The following RPS6KA2 variants were observed in gnomAD, a reference collection of about 807,000 sequenced individuals.
The protein encoded by RPS6KA2 is ribosomal protein S6 kinase A2.
RPS6KA2 carries 42 observed loss-of-function variants against 91.8 expected under a neutral mutation model. That is an observed-to-expected ratio of 0.46 (90% CI 0.36 to 0.59). The LOEUF (loss-of-function observed/expected upper bound fraction) is 0.59. RPS6KA2 is among the 20% of genes least tolerant of loss of function. RPS6KA2 has a pLI of 0.00. For missense variants in RPS6KA2, 798 were observed against 978.5 expected (o/e 0.82, Z 2.46); for synonymous variants, 414 against 393.6 (o/e 1.05, Z -0.61).
intron 2 of RPS6KA2, among the ~76,000 whole-genome samples, chr6:166,717,268 A>G (rs887325111): frequency 6.6e-6 from 1 of 152,214 alleles, no homozygotes; most frequent in Non-Finnish European, 1.5e-5. Context: ...GTTACCAAAA[A>G]CAGTGAACAT....
At chr6:166,546,923 G>A (rs1223513673) in intron 1 of RPS6KA2, among the ~76,000 whole-genome samples, 2 of 152,102 alleles carry the variant, frequency 1.3e-5, no homozygotes, top group Non-Finnish European at 2.9e-5. Context: ...CTGAGCTGGT[G>A]GGCTCTTCTC....
exon 1 of RPS6KA2, chr6:166,862,468 G>A (rs1036572574): frequency 1.0e-6 from 1 of 977,408 alleles, no homozygotes; most frequent in Non-Finnish European, 1.4e-6. Flanking sequence ...GGGCTGGGGC[G>A]AGGAAAGGAG....
chr6:166,556,017 C>T (rs1784168708), intron 1 of RPS6KA2, among the ~76,000 whole-genome samples: 1 of 152,110 alleles, frequency 6.6e-6, no homozygotes, highest in Admixed American at 6.5e-5. Flanking sequence ...AGTGAAAGGG[C>T]CACGGCTAGA....
At chr6:166,851,427 A>AT (rs972596425) in intron 2 of RPS6KA2, among the ~76,000 whole-genome samples, 6 of 152,096 alleles carry the variant, frequency 3.9e-5, no homozygotes, top group Non-Finnish European at 7.3e-5. Context: ...GATGAGCACA[A>AT]TTTTTTTCTG....
At chr6:166,673,481 C>T (rs906234381) in intron 2 of RPS6KA2, among the ~76,000 whole-genome samples, 1 of 152,196 alleles carries the variant, frequency 6.6e-6, no homozygotes, top group African/African-American at 2.4e-5. Context: ...TCCTGGTGCC[C>T]TGTCGACAAC....
intron 2 of RPS6KA2, among the ~76,000 whole-genome samples, chr6:166,795,939 C>G (rs1174798806): frequency 1.3e-5 from 2 of 152,230 alleles, no homozygotes; most frequent in African/African-American, 2.4e-5. Context: ...GGAATGGCTT[C>G]TAGATGCTGT....
intron 1 of RPS6KA2, among the ~76,000 whole-genome samples, chr6:166,625,338 C>G (rs6916042): frequency 9.1e-6 from 1 of 110,210 alleles, no homozygotes; most frequent in Non-Finnish European, 1.9e-5. Flanking sequence ...CCCACCCCCC[C>G]CCCCGCTTGT....
At position 166,469,951 on chromosome 6, in the gene RPS6KA2, G is replaced by A. The variant is rs759107627; in HGVS notation, c.908-46C>T. The A allele has an allele frequency of 1.5e-5, 23 of 1,530,722 alleles. No homozygotes were observed. The South Asian group carries it at 2.5e-4, about 16-fold the overall frequency. The allele number at this position is 1,530,722 out of a possible 1,614,324, so 94.8% of individuals were successfully genotyped here. ...ATCATCAGAACAAATCCAAGATGGG[G>A]TTCTCTGACAGTTTCCAATGCAGCA... On this transcript the variant is annotated intron_variant, in intron 10 of 20. Transcript: ENST00000265678.
intron 2 of RPS6KA2, among the ~76,000 whole-genome samples, chr6:166,637,504 C>A (rs1387525208): frequency 6.6e-6 from 1 of 152,218 alleles, no homozygotes; most frequent in Non-Finnish European, 1.5e-5. Flanking sequence ...GTAGGGGACA[C>A]ACAAGGTGGA....
intron 1 of RPS6KA2, among the ~76,000 whole-genome samples, chr6:166,539,784 T>C (rs916230157): frequency 6.6e-6 from 1 of 152,212 alleles, no homozygotes; most frequent in African/African-American, 2.4e-5. Flanking sequence ...AATGGAACAC[T>C]GGAAAGGAGG....
chr6:166,689,483 A>T (rs1562384703), intron 2 of RPS6KA2, among the ~76,000 whole-genome samples: 1 of 152,250 alleles, frequency 6.6e-6, no homozygotes, highest in Non-Finnish European at 1.5e-5. Context: ...AAGGATCCCG[A>T]GGAAAGTGTT....
At chr6:166,422,394 G>A (rs1190173724) in intron 17 of RPS6KA2, among the ~76,000 whole-genome samples, 1 of 152,142 alleles carries the variant, frequency 6.6e-6, no homozygotes, top group African/African-American at 2.4e-5. Context: ...GAGATGCCAG[G>A]CGCCTCAGAC....
At chr6:166,664,823 C>A (rs1788269410) in intron 2 of RPS6KA2, among the ~76,000 whole-genome samples, 1 of 152,156 alleles carries the variant, frequency 6.6e-6, no homozygotes, top group Admixed American at 6.5e-5. Flanking sequence ...AAAGATGATA[C>A]AACGGATGAG....
chr6:166,775,234 A>G (rs1441895399), intron 2 of RPS6KA2, among the ~76,000 whole-genome samples: 1 of 151,944 alleles, frequency 6.6e-6, no homozygotes, highest in Non-Finnish European at 1.5e-5. Context: ...CCTCCAAAAA[A>G]TACACACTCA....
chr6:166,808,032 T>A (rs1230793109), intron 2 of RPS6KA2, among the ~76,000 whole-genome samples: 2 of 150,322 alleles, frequency 1.3e-5, no homozygotes, highest in East Asian at 3.9e-4. Flanking sequence ...GAGGCAGCCC[T>A]GGGAGTGCAG....
chr6:166,429,988 C>A (rs1169000455), intron 16 of RPS6KA2, among the ~76,000 whole-genome samples: 1 of 149,040 alleles, frequency 6.7e-6, no homozygotes, highest in African/African-American at 2.5e-5. Flanking sequence ...GATGGAGTCT[C>A]GTCCTGTCAC....
intron 2 of RPS6KA2, chr6:166,702,511 C>T: frequency 6.6e-7 from 1 of 1,514,720 alleles, no homozygotes. Context: ...CACTTGCTGA[C>T]AGCTCTCCAC....
chr6:166,480,512 T>A (rs1187790934), intron 10 of RPS6KA2, among the ~76,000 whole-genome samples: 5 of 123,840 alleles, frequency 4.0e-5, no homozygotes, highest in East Asian at 4.4e-4. Flanking sequence ...TATATATATA[T>A]ATAATATATT....
intron 3 of RPS6KA2, among the ~76,000 whole-genome samples, chr6:166,517,673 C>T (rs1369949255): frequency 6.6e-6 from 1 of 151,276 alleles, no homozygotes; most frequent in African/African-American, 2.4e-5. Flanking sequence ...GACGGGGTTT[C>T]ACCTTGTTAG....
Sources: gnomAD v4.1 joint callset for allele counts (sites outside exome capture counted in the v4.1 genomes callset) on GRCh38, gnomAD v4.1.1 for gene constraint, MANE v1.5 for transcripts, NCBI Gene and HGNC (gene_info 2026-07-23, HGNC 2026-07-21) for gene names.